The following NUCB2 variants were observed in gnomAD, a reference collection of about 807,000 sequenced individuals.
NUCB2 encodes the protein nucleobindin 2.
In NUCB2, 48 loss-of-function variants were observed where a neutral mutation model predicts 57.9. The ratio of observed to expected loss-of-function variants is 0.83; its 90% CI spans 0.66 to 1.05. NUCB2 has a LOEUF of 1.05. Ranked by LOEUF, NUCB2 falls within the 50% of genes least tolerant of loss-of-function variation. NUCB2 has a pLI of 0.00. For synonymous variants in NUCB2, 139 were observed against 152.1 expected (o/e 0.91, Z 0.64); for missense variants, 442 against 476.2 (o/e 0.93, Z 0.67).
intron 1 of NUCB2, among the ~76,000 whole-genome samples, chr11:17,280,126 T>G (rs1942255802): frequency 6.6e-6 from 1 of 152,108 alleles, no homozygotes; most frequent in Non-Finnish European, 1.5e-5. Flanking sequence ...GTATTTTAAT[T>G]ATCTGAAGTA....
downstream of NUCB2, among the ~76,000 whole-genome samples, chr11:17,334,765 A>G (rs1001657074): frequency 2.7e-4 from 41 of 152,042 alleles, no homozygotes; most frequent in African/African-American, 9.7e-4. Context: ...GCACACCTAT[A>G]GTCCCAGCTA....
intron 10 of NUCB2, among the ~76,000 whole-genome samples, chr11:17,312,429 A>G (rs1227116251): frequency 2.7e-5 from 4 of 148,124 alleles, no homozygotes; most frequent in African/African-American, 1.0e-4. Flanking sequence ...TTTGAGACGG[A>G]GTCTCACTCT....
chr11:17,345,314 A>T (rs762371834), intron 2 of NUCB2, among the ~76,000 whole-genome samples: 4 of 152,184 alleles, frequency 2.6e-5, no homozygotes, highest in Non-Finnish European at 5.9e-5. Flanking sequence ...GATGGTTTAC[A>T]TATCCTATTT....
chr11:17,331,460 C>T lies in NUCB2; in HGVS notation c.*41C>T. The T allele has an allele frequency of 1.5e-6, 2 of 1,346,562 alleles. No homozygotes were observed. Among genetic ancestry groups the T allele is most frequent in the Non-Finnish European group, 2.0e-6 (2 of 1,015,418 alleles). The allele number at this position is 1,346,562 out of a possible 1,614,324, so 83.4% of individuals were successfully genotyped here. On this transcript the variant is annotated 3_prime_UTR_variant, in exon 14 of 14. Coordinates refer to ENST00000529010, the MANE Select transcript of NUCB2 (RefSeq NM_005013.4). The stretch of plus-strand genomic sequence containing the variant: ...AGAACTTGGAAGAAAGCTGTTAACT[C>T]AACATCTATTTCATCTTTTTAGCTC...
At chr11:17,277,957 A>T (rs772086775) in intron 1 of NUCB2, among the ~76,000 whole-genome samples, 11 of 152,152 alleles carry the variant, frequency 7.2e-5, no homozygotes, top group Non-Finnish European at 1.3e-4. Flanking sequence ...TTAGAAATGA[A>T]ATCTCAAATA....
intron 2 of NUCB2, among the ~76,000 whole-genome samples, chr11:17,341,245 A>G (rs1194596555): frequency 3.4e-4 from 51 of 152,204 alleles, no homozygotes; most frequent in African/African-American, 1.2e-3. Flanking sequence ...TAGATATACA[A>G]TCATGTCATC....
intron 13 of NUCB2, 106 bp downstream of exon 13, chr11:17,331,089 T>G: frequency 1.1e-6 from 1 of 876,054 alleles, no homozygotes. Context: ...TGTTATGTTA[T>G]TTTTTGTGTA....
chr11:17,279,911 T>C (rs1241465772), intron 1 of NUCB2, among the ~76,000 whole-genome samples: 6 of 151,054 alleles, frequency 4.0e-5, no homozygotes, highest in African/African-American at 1.5e-4. Context: ...TACCTCAGCC[T>C]CCTGAGTAGC....
intron 11 of NUCB2, among the ~76,000 whole-genome samples, chr11:17,315,897 ATG>A (rs34865872): frequency 0.28 from 42,429 of 151,968 alleles, 7,062 homozygotes; most frequent in Admixed American, 0.41. Context: ...TATGTAAACA[ATG>A]TATTGTCTCA....
intron 2 of NUCB2, among the ~76,000 whole-genome samples, chr11:17,344,431 G>A (rs995012252): frequency 1.3e-5 from 2 of 152,130 alleles, no homozygotes; most frequent in East Asian, 3.9e-4. Context: ...TAATCAAGAA[G>A]TTCTTTCCTC....
intron 6 of NUCB2, 101 bp from the exon 7 acceptor site, chr11:17,310,724 G>T (rs977669374): frequency 1.2e-6 from 1 of 866,062 alleles, no homozygotes; most frequent in Non-Finnish European, 1.8e-6. Flanking sequence ...TTGCCCTCCC[G>T]TACCACTTCT....
intron 2 of NUCB2, among the ~76,000 whole-genome samples, chr11:17,288,177 T>TA (rs1413925714): frequency 3.3e-5 from 5 of 152,248 alleles, no homozygotes; most frequent in Non-Finnish European, 7.3e-5. Flanking sequence ...TTAATTTCTT[T>TA]ATGTGTGCAT....
chr11:17,284,480 A>C (rs1256899345), intron 2 of NUCB2, among the ~76,000 whole-genome samples: 3 of 152,234 alleles, frequency 2.0e-5, no homozygotes. Context: ...GATTCTAAAG[A>C]TTCAGTCAAT....
rs1256650515 is a variant in NUCB2 at position 17,330,120 on chromosome 11, C to G, written c.1003-7C>G. On this transcript the variant is annotated splice_region_variant and splice_polypyrimidine_tract_variant and intron_variant, in intron 11 of 13. Transcript: ENST00000529010. The surrounding 1 kb of genome is among the most constrained non-coding windows in gnomAD (Gnocchi z 4.3). ...AGATTATTCTTTCCTCATTTTTTTT[C>G]TTTTAGACATTAGATCAGCAACAGT... The G allele has an allele frequency of 2.1e-6, 3 of 1,395,398 alleles. No individual in the cohort carries two copies. Among genetic ancestry groups the G allele is most frequent in the Non-Finnish European group, 2.9e-6 (3 of 1,018,942 alleles). 86.4% of individuals were successfully genotyped at this position (1,395,398 alleles called of 1,614,324 possible).
chr11:17,301,780 C>T lies in NUCB2; in HGVS notation c.289C>T (p.His97Tyr), dbSNP rs749415629. The T allele has an allele frequency of 1.9e-6, 3 of 1,609,472 alleles. No homozygotes were observed. The East Asian group carries it at 6.7e-5, about 36-fold the overall frequency. ...RLSKELDLVS[H>Y]HVRTKLDELK... ...AAGCAAAGAACTGGATTTAGTAAGT[C>T]ACCATGTGAGGACAAAACTTGATGA... The change falls in exon 5 of 14, where the codon CAC (histidine) becomes TAC (tyrosine). Residue 97 changes from histidine (H) to tyrosine (Y), a missense_variant. By Grantham distance (83) the His-to-Tyr change is moderately conservative (BLOSUM62 2). Coordinates refer to ENST00000529010, the MANE Select transcript of NUCB2 (RefSeq NM_005013.4).
At chr11:17,336,711 G>A (rs964805240), downstream of NUCB2, among the ~76,000 whole-genome samples, 31 of 123,266 alleles carry the variant, frequency 2.5e-4, no homozygotes, top group Middle Eastern at 5.3e-3. Context: ...CCGAGATCGC[G>A]CCACTGCACT....
At chr11:17,312,405 A>ATTT (rs201161740) in intron 10 of NUCB2, among the ~76,000 whole-genome samples, 1 of 137,608 alleles carries the variant, frequency 7.3e-6, no homozygotes, top group Non-Finnish European at 1.6e-5. Context: ...CCTACCTAAT[A>ATTT]TTTTTTTTTT....
At chr11:17,331,210 T>A (rs1345507724) in intron 13 of NUCB2, 1 of 529,030 alleles carries the variant, frequency 1.9e-6, no homozygotes, top group Non-Finnish European at 3.3e-6. Flanking sequence ...TTGATAACCA[T>A]ATTTATGGTA....
chr11:17,281,375 C>T (rs1454628281), intron 1 of NUCB2, among the ~76,000 whole-genome samples: 1 of 152,256 alleles, frequency 6.6e-6, no homozygotes, highest in East Asian at 1.9e-4. Context: ...CCGCCTCAGC[C>T]TTTCAAAGTG....
Sources: gnomAD v4.1 joint callset for allele counts (sites outside exome capture counted in the v4.1 genomes callset) on GRCh38, gnomAD v4.1.1 for gene constraint, Gnocchi (gnomAD v3.1) non-coding constraint, MANE v1.5 for transcripts, NCBI Gene and HGNC (gene_info 2026-07-23, HGNC 2026-07-21) for gene names.